MACROD2: variants seen among roughly 807,000 people sequenced by gnomAD.
MACROD2 encodes ADP-ribose glycohydrolase MACROD2.
MACROD2 carries 36 observed loss-of-function variants against 70.4 expected under a neutral mutation model. The observed-to-expected ratio is 0.51, with a 90% CI of 0.39 to 0.68. The LOEUF is 0.68. MACROD2 is among the 30% of genes least tolerant of loss of function. The pLI, the probability that MACROD2 is intolerant of heterozygous loss-of-function variation, is 0.00. For synonymous variants in MACROD2, 172 were observed against 178.8 expected (o/e 0.96, Z 0.30); for missense variants, 496 against 538.4 (o/e 0.92, Z 0.78).
chr20:15,477,599 A>G (rs1243852462), intron 7 of MACROD2, among the ~76,000 whole-genome samples: 1 of 152,110 alleles, frequency 6.6e-6, no homozygotes, highest in Non-Finnish European at 1.5e-5. Flanking sequence ...AGTAAACCCA[A>G]TGAAGGGTAC....
intron 3 of MACROD2, among the ~76,000 whole-genome samples, chr20:14,092,035 T>C (rs2054157085): frequency 6.6e-6 from 1 of 152,230 alleles, no homozygotes; most frequent in African/African-American, 2.4e-5. Flanking sequence ...ATAGTAGTTG[T>C]ACCATTTTAC....
intron 3 of MACROD2, among the ~76,000 whole-genome samples, chr20:14,270,733 G>A (rs1028206261): frequency 1.3e-5 from 2 of 152,062 alleles, no homozygotes; most frequent in African/African-American, 2.4e-5. Context: ...CAAGATGGCC[G>A]AATAGGAACA....
intron 5 of MACROD2, among the ~76,000 whole-genome samples, chr20:15,055,797 CTT>C (rs11482233): frequency 1.6e-4 from 22 of 136,724 alleles, no homozygotes; most frequent in Middle Eastern, 3.8e-3. Flanking sequence ...AAAGCAACAT[CTT>C]TTTTTTTTTT....
chr20:15,614,329 C>G (rs1211328007), intron 8 of MACROD2, among the ~76,000 whole-genome samples: 1 of 152,190 alleles, frequency 6.6e-6, no homozygotes, highest in Non-Finnish European at 1.5e-5. Context: ...TGATAATTTT[C>G]TCCCATAACC....
intron 8 of MACROD2, among the ~76,000 whole-genome samples, chr20:15,530,564 C>T (rs1403032257): frequency 2.0e-5 from 3 of 151,852 alleles, no homozygotes; most frequent in Admixed American, 1.3e-4. Flanking sequence ...AAACCCGTCT[C>T]TACTAAAAAT....
intron 3 of MACROD2, among the ~76,000 whole-genome samples, chr20:14,103,309 C>T (rs2054323657): frequency 6.6e-6 from 1 of 152,086 alleles, no homozygotes; most frequent in South Asian, 2.1e-4. Context: ...CAAAGTCTTC[C>T]AGAGTCTTTC....
intron 8 of MACROD2, among the ~76,000 whole-genome samples, chr20:15,541,918 G>A (rs1470315018): frequency 2.6e-5 from 4 of 152,182 alleles, no homozygotes; most frequent in African/African-American, 7.2e-5. Flanking sequence ...TGGTTGCTAA[G>A]AAGCACAAAT....
intron 2 of MACROD2, among the ~76,000 whole-genome samples, chr20:14,070,103 G>A (rs1230210791): frequency 2.6e-5 from 4 of 152,086 alleles, no homozygotes; most frequent in Non-Finnish European, 5.9e-5. Flanking sequence ...TATAAAGGAT[G>A]TTGTTTTAAG....
intron 8 of MACROD2, among the ~76,000 whole-genome samples, chr20:15,808,641 C>T (rs976717130): frequency 6.6e-6 from 1 of 151,956 alleles, no homozygotes; most frequent in Non-Finnish European, 1.5e-5. Context: ...TTTAAAAACA[C>T]AATTATCATT....
At chr20:14,434,244 C>T (rs1315187089) in intron 3 of MACROD2, among the ~76,000 whole-genome samples, 5 of 152,220 alleles carry the variant, frequency 3.3e-5, no homozygotes, top group East Asian at 1.9e-4. Context: ...ATTGCTACAG[C>T]GTACCTTGTG....
chr20:14,291,143 C>A (rs2082383202), intron 3 of MACROD2, among the ~76,000 whole-genome samples: 1 of 152,142 alleles, frequency 6.6e-6, no homozygotes. Context: ...TTGATTGATT[C>A]ATTCTCCATT....
chr20:14,614,553 T>C (rs982359114), intron 4 of MACROD2, among the ~76,000 whole-genome samples: 1 of 152,154 alleles, frequency 6.6e-6, no homozygotes, highest in Non-Finnish European at 1.5e-5. Flanking sequence ...ATAAACTTCC[T>C]GAGGGCAGGG....
chr20:15,332,840 C>T lies in MACROD2; in HGVS notation c.541-98565C>T, dbSNP rs115685508. 2.2e-3 allele frequency among the ~76,000 whole-genome samples: 331 copies of T among 151,722 alleles called. 17 individuals are homozygous for T. The highest frequency in any genetic ancestry group is 7.5e-3 in the African/African-American group (310 of 41,086). On this transcript the variant is annotated intron_variant, in intron 6 of 17. Coordinates refer to ENST00000684519, the MANE Select transcript of MACROD2 (RefSeq NM_001351661.2). The stretch of plus-strand genomic sequence containing the variant: ...AGCTGAGACCACAGATTTCTTTGCA[C>T]AGCAACTCAGATCACTAGTCCATGA...
intron 3 of MACROD2, among the ~76,000 whole-genome samples, chr20:14,256,905 A>G (rs1469338310): frequency 6.6e-6 from 1 of 152,042 alleles, no homozygotes; most frequent in Non-Finnish European, 1.5e-5. Flanking sequence ...AATTGTTTTT[A>G]TATTTTCCCA....
intron 6 of MACROD2, among the ~76,000 whole-genome samples, chr20:15,382,137 G>A (rs2045652927): frequency 6.6e-6 from 1 of 152,096 alleles, no homozygotes; most frequent in South Asian, 2.1e-4. Context: ...TCTGTTAGCG[G>A]ATTCACAAGT....
At chr20:14,336,808 A>G (rs2082945706) in intron 3 of MACROD2, among the ~76,000 whole-genome samples, 2 of 152,160 alleles carry the variant, frequency 1.3e-5, no homozygotes, top group African/African-American at 4.8e-5. Flanking sequence ...TCAATTTACT[A>G]GTTGAGATTT....
At chr20:14,289,277 C>G (rs548886979) in intron 3 of MACROD2, among the ~76,000 whole-genome samples, 1 of 152,294 alleles carries the variant, frequency 6.6e-6, no homozygotes, top group South Asian at 2.1e-4. Flanking sequence ...GTTCAAGTAA[C>G]AGATCCTTCC....
intron 6 of MACROD2, among the ~76,000 whole-genome samples, chr20:15,328,494 T>C (rs1256041299): frequency 6.6e-6 from 1 of 152,138 alleles, no homozygotes; most frequent in African/African-American, 2.4e-5. Flanking sequence ...TTTGACATCA[T>C]TGCTACTTGT....
At chr20:15,751,168 G>A (rs569461110) in intron 8 of MACROD2, among the ~76,000 whole-genome samples, 1 of 152,124 alleles carries the variant, frequency 6.6e-6, no homozygotes, top group South Asian at 2.1e-4. Flanking sequence ...TGATGAATAC[G>A]TGAGGTGATG....
Sources: allele counts gnomAD v4.1 joint callset (sites outside exome capture counted in the v4.1 genomes callset), GRCh38; gene constraint gnomAD v4.1.1; transcripts MANE v1.5; gene names NCBI Gene and HGNC (gene_info 2026-07-23, HGNC 2026-07-21).